Variants in ADAM12 observed in about 807,000 individuals in gnomAD.
The protein encoded by ADAM12 is disintegrin and metalloproteinase domain-containing protein 12.
A neutral mutation model predicts 106.4 loss-of-function variants in ADAM12; 70 were observed. The observed-to-expected ratio is 0.66, with a 90% confidence interval of 0.54 to 0.80. The LOEUF (loss-of-function observed/expected upper bound fraction) is 0.80, where lower values mean the gene tolerates loss of function less well. Among genes scored for constraint, ADAM12 ranks in the 30% least tolerant of loss-of-function variants. ADAM12 has a pLI of 0.00. For synonymous variants in ADAM12, 420 were observed against 433.5 expected (o/e 0.97, Z 0.39); for missense variants, 1,010 against 1,171.9 (o/e 0.86, Z 2.02).
At chr10:126,266,314 G>T (rs1959096233) in intron 3 of ADAM12, among the ~76,000 whole-genome samples, 1 of 152,180 alleles carries the variant, frequency 6.6e-6, no homozygotes, top group Non-Finnish European at 1.5e-5. Flanking sequence ...CAGGTGCAGG[G>T]TGGGACGAGG....
At chr10:126,076,757 C>A (rs574698744) in intron 11 of ADAM12, among the ~76,000 whole-genome samples, 50 of 152,266 alleles carry the variant, frequency 3.3e-4, no homozygotes, top group South Asian at 4.1e-4. Context: ...GGATATTAGA[C>A]CTTTGTCAGA....
chr10:126,117,765 G>GT (rs397737895), intron 6 of ADAM12, among the ~76,000 whole-genome samples: 8 of 124,914 alleles, frequency 6.4e-5, no homozygotes, highest in African/African-American at 2.5e-4. Context: ...AGTTGGGGGG[G>GT]CGTAATTTTG....
At chr10:126,267,317 A>C (rs1959116739) in intron 3 of ADAM12, among the ~76,000 whole-genome samples, 1 of 152,202 alleles carries the variant, frequency 6.6e-6, no homozygotes. Context: ...GGGTGGGGGC[A>C]GGGGATGCTT....
At chr10:126,186,177 T>C (rs1957396204) in intron 3 of ADAM12, among the ~76,000 whole-genome samples, 1 of 152,164 alleles carries the variant, frequency 6.6e-6, no homozygotes, top group South Asian at 2.1e-4. Context: ...TGCTACCTTC[T>C]AACTGGACAG....
intron 1 of ADAM12, among the ~76,000 whole-genome samples, chr10:126,373,332 A>G (rs764310397): frequency 8.6e-5 from 13 of 152,042 alleles, no homozygotes; most frequent in Non-Finnish European, 1.3e-4. Flanking sequence ...CCAGAGGGAG[A>G]TGGGAACAGC....
chr10:126,324,676 C>T (rs191385625), intron 2 of ADAM12, among the ~76,000 whole-genome samples: 82 of 152,166 alleles, frequency 5.4e-4, no homozygotes, highest in African/African-American at 1.9e-3. Flanking sequence ...TGTTTCAAAC[C>T]TTACTATTTC....
intron 5 of ADAM12, among the ~76,000 whole-genome samples, chr10:126,120,163 A>G (rs555135696): frequency 3.9e-5 from 6 of 152,326 alleles, no homozygotes; most frequent in African/African-American, 1.4e-4. Context: ...AGAATAATTC[A>G]CATACATACC....
chr10:126,099,734 A>G (rs1487320328), intron 9 of ADAM12, among the ~76,000 whole-genome samples: 1 of 152,244 alleles, frequency 6.6e-6, no homozygotes, highest in Non-Finnish European at 1.5e-5. Context: ...AAGAATGCCA[A>G]CAGCCTCAGT....
Position 126,064,774 on chromosome 10 carries a change from C to G in ADAM12, c.1609+32G>C, listed in dbSNP as rs754933150. The G allele has an allele frequency of 1.3e-6, 2 of 1,570,838 alleles. No individual in the cohort carries two copies. Among genetic ancestry groups the G allele is most frequent in the Non-Finnish European group, 1.7e-6 (2 of 1,159,458 alleles). On this transcript the variant is annotated intron_variant, in intron 14 of 22. Coordinates refer to ENST00000448723, the MANE Select transcript of ADAM12 (RefSeq NM_001288973.2). The surrounding 1 kb of genome is among the most constrained non-coding windows in gnomAD (Gnocchi z 4.4). ...CCACAGCCCAGGTCTGCCAGTGCCT[C>G]TCCTGATGCCGAGCTTGTGGCGGCC...
chr10:126,330,151 T>C lies in ADAM12; in HGVS notation c.186+261A>G, dbSNP rs527392232. Among the ~76,000 whole-genome samples, 4 of 152,280 alleles carry C rather than the reference T, an allele frequency of 2.6e-5. No individual in the cohort carries two copies. The South Asian group carries it at 8.3e-4, about 32-fold the overall frequency. ...ATTCAGTTAAACTGAACATGGAAGT[T>C]GTATATCTGGGACTGTAACCCCTGG... On this transcript the variant is annotated intron_variant, in intron 2 of 22. Coordinates refer to ENST00000448723, the MANE Select transcript of ADAM12 (RefSeq NM_001288973.2).
At chr10:126,309,570 T>C (rs1276337645) in intron 2 of ADAM12, among the ~76,000 whole-genome samples, 1 of 152,178 alleles carries the variant, frequency 6.6e-6, no homozygotes, top group Non-Finnish European at 1.5e-5. Flanking sequence ...AAAAAAGGGC[T>C]AGAATGATGC....
At chr10:126,266,494 A>G (rs1039113550) in intron 3 of ADAM12, among the ~76,000 whole-genome samples, 1 of 152,180 alleles carries the variant, frequency 6.6e-6, no homozygotes, top group Admixed American at 6.5e-5. Flanking sequence ...CAGGGTGAGG[A>G]GGGAGATAAT....
rs549946410 is a variant in ADAM12, at chr10:126,030,767, AGT to A, written c.2529+5377_2529+5378del. Among the ~76,000 whole-genome samples, 10 of 152,298 alleles carry A rather than the reference AGT, an allele frequency of 6.6e-5. No homozygotes were observed. The South Asian group carries it at 1.9e-3, about 28-fold the overall frequency. On this transcript the variant is annotated intron_variant, in intron 21 of 22. Transcript: ENST00000448723. ...ATGATGCCAAAGAAAGTTCAGCTAAAGTTTCTGGAAGTATTGGGTAGGTGGCA... is the reference window on the plus strand; with the variant it reads ...ATGATGCCAAAGAAAGTTCAGCTAAATTCTGGAAGTATTGGGTAGGTGGCA...
Position 126,036,328 on chromosome 10 carries a change from G to A in ADAM12, c.2350-3C>T. On this transcript the variant is annotated splice_polypyrimidine_tract_variant and splice_region_variant and intron_variant, in intron 20 of 22. Transcript: ENST00000448723. ...TGCAGCAATCTCCTGGGATTGTCCT[G>A]TACAGTCAAAGTAAAAAGCCATGCT... The A allele has an allele frequency of 1.3e-6, 2 of 1,567,024 alleles. No individual in the cohort carries two copies. Among genetic ancestry groups the A allele is most frequent in the South Asian group, 1.2e-5 (1 of 81,974 alleles).
intron 3 of ADAM12, among the ~76,000 whole-genome samples, chr10:126,191,029 T>A (rs1320874121): frequency 1.5e-5 from 2 of 129,094 alleles, no homozygotes; most frequent in Non-Finnish European, 3.2e-5. Context: ...TCAGACAGAG[T>A]CTTGCTCTGT....
In ADAM12 at chr10:126,062,699, C is replaced by T. The variant is rs183840508; in HGVS notation, c.1609+2107G>A. Among the ~76,000 whole-genome samples the T allele has an allele frequency of 8.1e-4, 123 of 152,264 alleles. 1 individual carries two copies. In the South Asian group the frequency reaches 0.024, roughly 30 times the overall value. On this transcript the variant is annotated intron_variant, in intron 14 of 22. Coordinates refer to ENST00000448723, the MANE Select transcript of ADAM12 (RefSeq NM_001288973.2). Reference sequence around the variant, plus strand: ...GTTCCCTCTGACCTCACTCTGGAAACGGGGCCAGCTGTTCGAATACGGCAG... The same window carrying T: ...GTTCCCTCTGACCTCACTCTGGAAATGGGGCCAGCTGTTCGAATACGGCAG...
intron 3 of ADAM12, among the ~76,000 whole-genome samples, chr10:126,161,428 T>C (rs72826364): frequency 6.6e-6 from 1 of 152,354 alleles, no homozygotes; most frequent in Non-Finnish European, 1.5e-5. Flanking sequence ...TTTGTGCTCT[T>C]AACCACTGTG....
At chr10:126,228,026 C>T (rs1019784184) in intron 3 of ADAM12, among the ~76,000 whole-genome samples, 7 of 152,010 alleles carry the variant, frequency 4.6e-5, no homozygotes, top group African/African-American at 1.7e-4. Context: ...TGGGTGGAGA[C>T]GAGCTTCCAG....
In ADAM12 at chr10:126,016,164, ACATGAACTATACC is replaced by A. The variant is rs1252042900; in HGVS notation, c.*1102_*1114del. 6.6e-6 allele frequency: 1 copy of A among 152,214 alleles called. No homozygotes were observed. The highest frequency in any genetic ancestry group is 1.5e-5 in the Non-Finnish European group (1 of 68,042). The allele number at this position is 152,214 out of a possible 1,614,324, so 9.4% of individuals were successfully genotyped here. On this transcript the variant is annotated 3_prime_UTR_variant, in exon 23 of 23. Coordinates refer to ENST00000448723, the MANE Select transcript of ADAM12 (RefSeq NM_001288973.2). ...CAATATCTACGAATAATGATAGCAG[ACATGAACTATACC>A]CATGAACATCACATTCCATTGGTTG...
Sources: allele counts gnomAD v4.1 joint callset (sites outside exome capture counted in the v4.1 genomes callset), GRCh38; gene constraint gnomAD v4.1.1; non-coding constraint Gnocchi (gnomAD v3.1); transcripts MANE v1.5; gene names NCBI Gene and HGNC (gene_info 2026-07-23, HGNC 2026-07-21).